The following EXT1 variants were observed in gnomAD, a reference collection of about 807,000 sequenced individuals.
EXT1 encodes exostosin glycosyltransferase 1.
Under a neutral mutation model 82.5 loss-of-function variants are expected in EXT1, and 20 were observed. That is an observed-to-expected ratio of 0.24 (90% CI 0.17 to 0.35). The LOEUF (loss-of-function observed/expected upper bound fraction) is 0.35. Among genes scored for constraint, EXT1 ranks in the 10% least tolerant of loss-of-function variants. The probability of loss-of-function intolerance (pLI) is 1.00; values close to 1 mark genes in which losing one functional copy is unlikely to be tolerated. For synonymous variants in EXT1, 348 were observed against 350.8 expected, an observed-to-expected ratio of 0.99 and a Z score of 0.09; for missense variants, 757 against 936.5, an observed-to-expected ratio of 0.81 and a Z score of 2.50.
chr8:117,934,542 T>C (rs2129656901), intron 1 of EXT1, among the ~76,000 whole-genome samples: 1 of 152,170 alleles, frequency 6.6e-6, no homozygotes, highest in Non-Finnish European at 1.5e-5. Context: ...CTCCAAGGAG[T>C]TGTCACGCCC....
At chr8:117,834,967 T>A (rs969781585) in intron 3 of EXT1, among the ~76,000 whole-genome samples, 5 of 152,200 alleles carry the variant, frequency 3.3e-5, no homozygotes, top group African/African-American at 1.2e-4. Flanking sequence ...CTCATTTAAA[T>A]ATAAATCCTA....
At chr8:118,070,390 G>T (rs912326136) in intron 1 of EXT1, among the ~76,000 whole-genome samples, 1 of 151,730 alleles carries the variant, frequency 6.6e-6, no homozygotes, top group Non-Finnish European at 1.5e-5. Context: ...GATTTGTTTC[G>T]ATCCCCTCAA....
rs1165262426 is a variant in EXT1 at position 117,934,843 on chromosome 8, T to C, written c.963-97642A>G. On this transcript the variant is annotated intron_variant, in intron 1 of 10. Transcript: ENST00000378204. ...AATCTCTTCTTCCAAGAAAATGGTA[T>C]GCAGAAACTCAGGATAGAAAACCAG... is the stretch of plus-strand genomic sequence containing the variant. Among the ~76,000 whole-genome samples the C allele has an allele frequency of 7.2e-5, 11 of 152,298 alleles. No individual in the cohort carries two copies. In the South Asian group the frequency reaches 1.2e-3, roughly 17 times the overall value.
chr8:117,962,123 C>T (rs1310448437), intron 1 of EXT1, among the ~76,000 whole-genome samples: 1 of 68,626 alleles, frequency 1.5e-5, no homozygotes, highest in Admixed American at 1.9e-4. Context: ...GTTTAGGTCA[C>T]TGATTTCTTC....
chr8:117,900,328 T>C (rs7820452), intron 1 of EXT1, among the ~76,000 whole-genome samples: 38,364 of 152,172 alleles, frequency 0.25, 5,658 homozygotes, highest in East Asian at 0.37. Context: ...GCTTTTCATA[T>C]AGAAAACTCA....
At chr8:117,879,220 C>A (rs1322079247) in intron 1 of EXT1, among the ~76,000 whole-genome samples, 2 of 152,156 alleles carry the variant, frequency 1.3e-5, no homozygotes, top group Non-Finnish European at 2.9e-5. Flanking sequence ...ATATTTCTAA[C>A]CCTTCCATTT....
chr8:117,802,640 G>C (rs1055869583), intron 10 of EXT1, among the ~76,000 whole-genome samples: 4 of 152,124 alleles, frequency 2.6e-5, no homozygotes, highest in Non-Finnish European at 5.9e-5. Context: ...ACCAAATGAT[G>C]CATTTCTCAG....
intron 1 of EXT1, among the ~76,000 whole-genome samples, chr8:118,021,816 T>G (rs1375333584): frequency 6.6e-6 from 1 of 152,202 alleles, no homozygotes; most frequent in Non-Finnish European, 1.5e-5. Flanking sequence ...TGTTATCCTC[T>G]GGGCAAAGAC....
chr8:117,966,249 C>A (rs995404318), intron 1 of EXT1, among the ~76,000 whole-genome samples: 1 of 152,208 alleles, frequency 6.6e-6, no homozygotes, highest in Non-Finnish European at 1.5e-5. Context: ...GATTCTTTCA[C>A]AAGGAATGAG....
intron 1 of EXT1, among the ~76,000 whole-genome samples, chr8:118,039,907 C>T (rs1196615163): frequency 6.6e-6 from 1 of 152,104 alleles, no homozygotes; most frequent in Non-Finnish European, 1.5e-5. Flanking sequence ...CTCCTAAGTC[C>T]ATGTAAGCAT....
intron 4 of EXT1, among the ~76,000 whole-genome samples, chr8:117,824,832 A>ATTCTTC (rs1299592715): frequency 2.0e-5 from 3 of 151,772 alleles, no homozygotes; most frequent in African/African-American, 7.3e-5. Context: ...TTTAGGATTG[A>ATTCTTC]TTATTCTTCT....
At chr8:117,972,036 G>C (rs1814951506) in intron 1 of EXT1, among the ~76,000 whole-genome samples, 1 of 151,880 alleles carries the variant, frequency 6.6e-6, no homozygotes, top group Non-Finnish European at 1.5e-5. Context: ...TCTAATCCCA[G>C]CTACTCAGGA....
Position 118,111,582 on chromosome 8 carries a change from C to T in EXT1, c.-536G>A, listed in dbSNP as rs780662536. ...GCATCTTGCAGCTGGGGCGCCGTAA[C>T]CTCACAAATCCCTGCATCTCTCTTT... On this transcript the variant is annotated 5_prime_UTR_variant, in exon 1 of 11. Coordinates refer to ENST00000378204, the MANE Select transcript of EXT1 (RefSeq NM_000127.3). 7.7e-5 allele frequency: 33 copies of T among 427,640 alleles called. No homozygotes were observed. The highest frequency in any genetic ancestry group is 1.6e-4 in the South Asian group (2 of 12,542). 26.5% of individuals were successfully genotyped at this position (427,640 alleles called of 1,614,324 possible). A position where few individuals can be genotyped will look rare whatever the true frequency, so the allele number is the denominator to read the frequency against.
At chr8:117,990,808 C>T (rs1261507446) in intron 1 of EXT1, among the ~76,000 whole-genome samples, 1 of 152,208 alleles carries the variant, frequency 6.6e-6, no homozygotes, top group Non-Finnish European at 1.5e-5. Context: ...GGAGGAAAAA[C>T]TCTGGAAATC....
At chr8:117,809,658 CG>C (rs560564517) in intron 8 of EXT1, among the ~76,000 whole-genome samples, 1 of 149,776 alleles carries the variant, frequency 6.7e-6, no homozygotes, top group Non-Finnish European at 1.5e-5. Context: ...AAATCCAGAG[CG>C]GGGAAAAAAC....
chr8:117,973,839 AG>A (rs1425356829), intron 1 of EXT1, among the ~76,000 whole-genome samples: 5 of 133,318 alleles, frequency 3.8e-5, no homozygotes, highest in Admixed American at 7.8e-5. Flanking sequence ...AGGAAAGGAA[AG>A]GAAAGGAAAG....
At chr8:117,944,168 C>T (rs185336286) in intron 1 of EXT1, among the ~76,000 whole-genome samples, 16 of 152,146 alleles carry the variant, frequency 1.1e-4, no homozygotes, top group Admixed American at 1.0e-3. Flanking sequence ...TTGGGAGGCC[C>T]AGACAGGCAG....
At chr8:118,015,903 G>A (rs1240912080) in intron 1 of EXT1, among the ~76,000 whole-genome samples, 1 of 152,192 alleles carries the variant, frequency 6.6e-6, no homozygotes, top group East Asian at 1.9e-4. Context: ...GACACAGAGG[G>A]AAGATGGCCA....
intron 1 of EXT1, among the ~76,000 whole-genome samples, chr8:118,072,437 C>G (rs922262250): frequency 1.3e-5 from 2 of 152,198 alleles, no homozygotes; most frequent in East Asian, 3.8e-4. Flanking sequence ...TTATATACTG[C>G]CTTACATTGT....
Sources: gnomAD v4.1 joint callset for allele counts (sites outside exome capture counted in the v4.1 genomes callset) on GRCh38, gnomAD v4.1.1 for gene constraint, MANE v1.5 for transcripts, NCBI Gene and HGNC (gene_info 2026-07-23, HGNC 2026-07-21) for gene names.